The following ANPEP variants were observed in gnomAD, a reference collection of about 807,000 sequenced individuals.
ANPEP encodes alanyl aminopeptidase, membrane, also known as aminopeptidase N.
ANPEP carries 70 observed loss-of-function variants against 114.6 expected under a neutral mutation model. The observed-to-expected ratio is 0.61, with a 90% CI of 0.50 to 0.75. ANPEP has a LOEUF of 0.75. ANPEP is among the 30% of genes least tolerant of loss of function. The probability of loss-of-function intolerance (pLI) is 0.00; values close to 1 mark genes in which losing one functional copy is unlikely to be tolerated. For missense variants in ANPEP, 1,184 were observed against 1,259.5 expected (o/e 0.94, Z 0.91); for synonymous variants, 548 against 522.3 (o/e 1.05, Z -0.67).
At position 89,791,070 on chromosome 15, in the gene ANPEP, G is replaced by A. The variant is rs765520167; in HGVS notation, c.2552C>T (p.Pro851Leu). The A allele has an allele frequency of 1.8e-5, 29 of 1,614,070 alleles. No individual in the cohort carries two copies. In the East Asian group the frequency reaches 2.9e-4, roughly 16 times the overall value. Residue 851 changes from proline to leucine, a missense_variant, in exon 19 of 21, where the codon CCG (proline) becomes CTG (leucine). Coordinates refer to ENST00000300060, the MANE Select transcript of ANPEP (RefSeq NM_001150.3). The stretch of plus-strand genomic sequence containing the variant: ...GGCGTCCTGCTTCCGGATTAAGTCC[G>A]GGTTCAGGGTGTAGCTCAGGTACCT... The part of the protein sequence containing the change: ...LNRYLSYTLN[P>L]DLIRKQDATS...
At chr15:89,794,130 A>G (rs1021810708) in intron 15 of ANPEP, among the ~76,000 whole-genome samples, 1 of 152,218 alleles carries the variant, frequency 6.6e-6, no homozygotes, top group Non-Finnish European at 1.5e-5. Flanking sequence ...AGAATTTGCA[A>G]TTGAGAATCT....
chr15:89,801,640 T>G, intron 10 of ANPEP, 33 bp from the exon 11 acceptor site: 1 of 1,605,906 alleles, frequency 6.2e-7, no homozygotes, highest in Non-Finnish European at 8.5e-7. Flanking sequence ...TGGCCATCAG[T>G]GGGACCCTCC....
At chr15:89,794,772 C>T (rs933083083) in intron 15 of ANPEP, among the ~76,000 whole-genome samples, 3 of 152,170 alleles carry the variant, frequency 2.0e-5, no homozygotes, top group Non-Finnish European at 4.4e-5. Flanking sequence ...AAAGGTGGCA[C>T]CCCAGTTCCC....
At chr15:89,797,487 A>G in intron 15 of ANPEP, 88 bp downstream of exon 15, 1 of 1,477,456 alleles carries the variant, frequency 6.8e-7, no homozygotes, top group South Asian at 1.4e-5. Flanking sequence ...CCAGGAGTCC[A>G]GTAGGCAATA....
chr15:89,793,253 C>CCTG, intron 15 of ANPEP, 127 bp from the exon 16 acceptor site: 1 of 727,158 alleles, frequency 1.4e-6, no homozygotes, highest in Non-Finnish European at 2.3e-6. Flanking sequence ...CACCTGAGGC[C>CCTG]AAACAGTGCT....
In ANPEP at chr15:89,785,061, C is replaced by T. The variant is rs1236467340; in HGVS notation, c.*288G>A. The T allele has an allele frequency of 2.6e-6, 1 of 384,806 alleles. No homozygotes were observed. The highest frequency in any genetic ancestry group is 2.0e-5 in the African/African-American group (1 of 49,368). 23.8% of individuals were successfully genotyped at this position (384,806 alleles called of 1,614,324 possible). ...ATCGAGAGCTTCTGCTCATCTGGCC[C>T]TGGAGCTGGGCTTCCCTGAGATCAG... On this transcript the variant is annotated 3_prime_UTR_variant, in exon 21 of 21. Transcript: ENST00000300060.
In ANPEP at chr15:89,806,589, T is replaced by C; in HGVS notation, c.-6A>G. 1 of 1,584,898 alleles carries C rather than the reference T, an allele frequency of 6.3e-7. No individual in the cohort carries two copies. The highest frequency in any genetic ancestry group is 1.7e-4 in the Middle Eastern group (1 of 5,796). On this transcript the variant is annotated 5_prime_UTR_variant, in exon 2 of 21. Transcript: ENST00000300060. The surrounding 1 kb of genome is among the most constrained non-coding windows in gnomAD (Gnocchi z 5.7). ...ATATAGAAGCCCTTGGCCATGGTGA[T>C]GGTGGGGAGGCGGCTCAGGGAGCCT...
At chr15:89,801,736 G>C in intron 10 of ANPEP, 129 bp from the exon 11 acceptor site, 1 of 1,119,318 alleles carries the variant, frequency 8.9e-7, no homozygotes. Context: ...AAGGGCACTG[G>C]GCTGGGAGCC....
chr15:89,801,468 G>A lies in ANPEP; in HGVS notation c.1709C>T (p.Pro570Leu). 2 of 1,614,200 alleles carry A rather than the reference G, an allele frequency of 1.2e-6. No homozygotes were observed. The highest frequency in any genetic ancestry group is 1.7e-6 in the Non-Finnish European group (2 of 1,180,024). ...TLSQEHFLLD[P>L]DSNVTRPSEF... ...TGAGGGGCGGGTAACATTGGAATCG[G>A]GGTCAAGGAGGAAGTGCTCCTGGGA... The change falls in exon 11 of 21, where the codon CCC (proline) becomes CTC (leucine). Residue 570 changes from proline (P) to leucine (L), a missense_variant. Coordinates refer to ENST00000300060, the MANE Select transcript of ANPEP (RefSeq NM_001150.3).
At position 89,793,061 on chromosome 15, in the gene ANPEP, C is replaced by T; in HGVS notation, c.2223G>A (p.Arg741=). Residue 741 remains arginine (R), a synonymous_variant, in exon 16 of 21, where the codon AGG becomes AGA. Coordinates refer to ENST00000300060, the MANE Select transcript of ANPEP (RefSeq NM_001150.3). ...IHFRNNTNNW[R]EIPENLMDQY... is the part of the protein sequence containing the mutation. ...GGTCCATCAGGTTTTCTGGGATCTC[C>T]CTCCAGTTGTTGGTATTATTTCTGA... The T allele has an allele frequency of 6.2e-7, 1 of 1,614,128 alleles. No homozygotes were observed. Among genetic ancestry groups the T allele is most frequent in the Non-Finnish European group, 8.5e-7 (1 of 1,179,992 alleles).
intron 2 of ANPEP, 100 bp downstream of exon 2, chr15:89,805,870 G>T: frequency 2.7e-6 from 4 of 1,477,142 alleles, no homozygotes; most frequent in South Asian, 1.3e-5. Context: ...GCTCCACAGG[G>T]TTCAAAGGCC....
At position 89,804,230 on chromosome 15, in the gene ANPEP, CACTCCCCGAGATGGGGGTCT is replaced by C; in HGVS notation, c.1179+3_1179+22del. ...CTCGGAGCCCCTGTTTCCTTCTCCG[CACTCCCCGAGATGGGGGTCT>C]ACCTGGTGGGCCAGCTCATGAGCAA... On this transcript the variant is annotated splice_donor_5th_base_variant and intron_variant, in intron 6 of 20. Transcript: ENST00000300060. 1 of 1,613,550 alleles carries C rather than the reference CACTCCCCGAGATGGGGGTCT, an allele frequency of 6.2e-7. No individual in the cohort carries two copies. Among genetic ancestry groups the C allele is most frequent in the East Asian group, 2.2e-5 (1 of 44,868 alleles).
At position 89,800,299 on chromosome 15, in the gene ANPEP, T is replaced by C. The variant is rs75177884; in HGVS notation, c.1820-740A>G. Among the ~76,000 whole-genome samples the C allele has an allele frequency of 2.0e-5, 3 of 152,104 alleles. No individual in the cohort carries two copies. In the East Asian group the frequency reaches 5.8e-4, roughly 29 times the overall value. ...TCAGCTCACCTCCTCCGGGAAGCCC[T>C]CCCTGACCTCTCCATGAACTTGAAT... On this transcript the variant is annotated intron_variant, in intron 12 of 20. Coordinates refer to ENST00000300060, the MANE Select transcript of ANPEP (RefSeq NM_001150.3).
At chr15:89,802,980 T>C (rs1172578956) in intron 10 of ANPEP, among the ~76,000 whole-genome samples, 4 of 152,054 alleles carry the variant, frequency 2.6e-5, no homozygotes, top group Non-Finnish European at 5.9e-5. Context: ...GAAGGGGCTC[T>C]ACAGCTCCCA....
intron 6 of ANPEP, 51 bp downstream of exon 6, chr15:89,804,202 C>T (rs377526314): frequency 1.2e-6 from 2 of 1,608,008 alleles, no homozygotes; most frequent in African/African-American, 1.3e-5. Flanking sequence ...TGCGCCGTCT[C>T]CTCTCGGAGC....
intron 18 of ANPEP, among the ~76,000 whole-genome samples, chr15:89,791,437 TTCTC>T (rs1968622927): frequency 6.6e-6 from 1 of 151,928 alleles, no homozygotes; most frequent in Non-Finnish European, 1.5e-5. Context: ...TTCTTTTCTT[TTCTC>T]TTTTCTTTTC....
At chr15:89,790,895 C>A in intron 19 of ANPEP, 58 bp downstream of exon 19, 2 of 1,587,336 alleles carry the variant, frequency 1.3e-6, no homozygotes, top group Non-Finnish European at 1.7e-6. Context: ...GCACAGGCCA[C>A]CCCCCGGGGC....
Position 89,805,173 on chromosome 15 carries a change from C to T in ANPEP, c.802G>A (p.Glu268Lys), listed in dbSNP as rs1394194466. The change falls in exon 4 of 21, where the codon GAG becomes AAG. Residue 268 changes from glutamate to lysine, a missense_variant. By Grantham distance (56) the Glu-to-Lys change is moderately conservative. Transcript: ENST00000300060. ...GACATCTTGGGCGTGGTGTGGAACTCAGTGACATTCCAGTTGGGGTCTTCT... is the reference window on the plus strand; with the variant it reads ...GACATCTTGGGCGTGGTGTGGAACTTAGTGACATTCCAGTTGGGGTCTTCT... Reference protein sequence around the residue: ...LPEDPNWNVTEFHTTPKMSTY... With the variant: ...LPEDPNWNVTKFHTTPKMSTY... 1 of 1,614,114 alleles carries T rather than the reference C, an allele frequency of 6.2e-7. No homozygotes were observed. Among genetic ancestry groups the T allele is most frequent in the Non-Finnish European group, 8.5e-7 (1 of 1,180,050 alleles).
chr15:89,792,305 T>C lies in ANPEP; in HGVS notation c.2383A>G (p.Thr795Ala). 1 of 1,614,158 alleles carries C rather than the reference T, an allele frequency of 6.2e-7. No homozygotes were observed. The highest frequency in any genetic ancestry group is 8.5e-7 in the Non-Finnish European group (1 of 1,180,012). ...NNPIHPNLRS[T>A]VYCNAIAQGG... ...TGGGCGATAGCGTTGCAGTAGACGGTGGACCGCAGGTTGGGGTGGATCCTG... is the reference window on the plus strand; with the variant it reads ...TGGGCGATAGCGTTGCAGTAGACGGCGGACCGCAGGTTGGGGTGGATCCTG... Residue 795 changes from threonine to alanine, a missense_variant, in exon 18 of 21, where the codon ACC (threonine) becomes GCC (alanine). Thr to Ala is a moderately conservative substitution (Grantham distance 58). Transcript: ENST00000300060.
Sources: gnomAD v4.1 joint callset for allele counts (sites outside exome capture counted in the v4.1 genomes callset) on GRCh38, gnomAD v4.1.1 for gene constraint, Gnocchi (gnomAD v3.1) non-coding constraint, MANE v1.5 for transcripts, NCBI Gene and HGNC (gene_info 2026-07-23, HGNC 2026-07-21) for gene names.